GLI3: variants seen among roughly 807,000 people sequenced by gnomAD.
GLI3 encodes the protein GLI family zinc finger 3, also known as transcription activator GLI3.
Under a neutral mutation model 100.8 loss-of-function variants are expected in GLI3, and 20 were observed. That is an observed-to-expected ratio of 0.20 (90% CI 0.14 to 0.29). GLI3 has a LOEUF of 0.29. Among genes scored for constraint, GLI3 ranks in the 10% least tolerant of loss-of-function variants. GLI3 has a pLI of 1.00. For missense variants in GLI3, 2,040 were observed against 2,128.5 expected (o/e 0.96, Z 0.82); for synonymous variants, 938 against 860.5 (o/e 1.09, Z -1.58).
intron 2 of GLI3, among the ~76,000 whole-genome samples, chr7:42,182,936 A>G (rs549097720): frequency 1.3e-5 from 2 of 151,912 alleles, no homozygotes; most frequent in South Asian, 4.2e-4. Context: ...ACACAAAAAA[A>G]TTAGCTGGGC....
At chr7:42,092,839 A>G (rs1785255123) in intron 3 of GLI3, among the ~76,000 whole-genome samples, 1 of 149,618 alleles carries the variant, frequency 6.7e-6, no homozygotes, top group South Asian at 2.1e-4. Context: ...ATAGAGACGG[A>G]GTCTTGCTCT....
At chr7:42,152,482 C>A (rs1786896368) in intron 2 of GLI3, 1 of 889,468 alleles carries the variant, frequency 1.1e-6, no homozygotes, top group Non-Finnish European at 1.3e-6. Context: ...CTCTCCCAGG[C>A]AATGCTGCTC....
At chr7:42,088,233 C>G (rs1287845414) in intron 3 of GLI3, among the ~76,000 whole-genome samples, 1 of 152,174 alleles carries the variant, frequency 6.6e-6, no homozygotes, top group Non-Finnish European at 1.5e-5. Flanking sequence ...GTCCGAAATA[C>G]CTTTCTTCTT....
intron 2 of GLI3, among the ~76,000 whole-genome samples, chr7:42,197,265 A>C (rs1787945604): frequency 6.6e-6 from 1 of 152,248 alleles, no homozygotes; most frequent in Admixed American, 6.5e-5. Flanking sequence ...CTATGCAGCT[A>C]AGAGTAATGA....
chr7:42,166,022 A>T (rs1050472919), intron 2 of GLI3, among the ~76,000 whole-genome samples: 1 of 152,182 alleles, frequency 6.6e-6, no homozygotes, highest in East Asian at 1.9e-4. Flanking sequence ...AATCTTCTAG[A>T]AGCACATGTC....
chr7:42,173,184 G>A (rs1562771354), intron 2 of GLI3, among the ~76,000 whole-genome samples: 3 of 152,170 alleles, frequency 2.0e-5, no homozygotes, highest in African/African-American at 4.8e-5. Context: ...CAACCTCCAC[G>A]AGCACTAGGC....
At chr7:42,202,021 G>A (rs951550759) in intron 2 of GLI3, among the ~76,000 whole-genome samples, 49 of 146,118 alleles carry the variant, frequency 3.4e-4, no homozygotes, top group African/African-American at 1.1e-3. Flanking sequence ...GGCAGAGGTC[G>A]CAGTGAGCCA....
rs544058127 is a variant in GLI3, at chr7:42,164,489, A to T, written c.125-16021T>A. Reference sequence around the variant, plus strand: ...AGCCAAGATCATGCCACTGCACTCTAGCCTGAAAGACAGATAAAGACCTTG... The same window carrying T: ...AGCCAAGATCATGCCACTGCACTCTTGCCTGAAAGACAGATAAAGACCTTG... On this transcript the variant is annotated intron_variant, in intron 2 of 14. Coordinates refer to ENST00000395925, the MANE Select transcript of GLI3 (RefSeq NM_000168.6). Among the ~76,000 whole-genome samples, 126 of 152,194 alleles carry T rather than the reference A, an allele frequency of 8.3e-4. 1 individual carries two copies. Among genetic ancestry groups the T allele is most frequent in the South Asian group, 1.0e-3 (5 of 4,826 alleles).
At chr7:42,039,886 T>C in intron 7 of GLI3, 152 bp downstream of exon 7, 1 of 674,774 alleles carries the variant, frequency 1.5e-6, no homozygotes, top group Non-Finnish European at 2.6e-6. Flanking sequence ...CAATTCATTG[T>C]GATATTTGAC....
chr7:42,220,456 T>C (rs1788464126), intron 2 of GLI3, among the ~76,000 whole-genome samples: 1 of 152,070 alleles, frequency 6.6e-6, no homozygotes, highest in East Asian at 1.9e-4. Flanking sequence ...AACTTGGAAA[T>C]CCTGCACCCC....
chr7:42,046,721 C>T (rs1414822134), intron 5 of GLI3, among the ~76,000 whole-genome samples: 4 of 152,198 alleles, frequency 2.6e-5, no homozygotes, highest in Non-Finnish European at 5.9e-5. Context: ...CAGCTAGCCT[C>T]CCTCTCTCCC....
At chr7:42,064,417 C>T (rs373724376) in intron 4 of GLI3, among the ~76,000 whole-genome samples, 9 of 152,224 alleles carry the variant, frequency 5.9e-5, no homozygotes, top group South Asian at 2.1e-4. Context: ...CTCAAGGATC[C>T]GGTTAACTTG....
At chr7:42,014,562 C>A (rs1210045555) in intron 10 of GLI3, among the ~76,000 whole-genome samples, 8 of 152,206 alleles carry the variant, frequency 5.3e-5, no homozygotes, top group Admixed American at 5.2e-4. Flanking sequence ...CTGCAATGGT[C>A]TTTCTGTGTT....
At chr7:42,239,690 TAA>T (rs1283825072), upstream of GLI3, among the ~76,000 whole-genome samples, 1 of 152,188 alleles carries the variant, frequency 6.6e-6, no homozygotes, top group Non-Finnish European at 1.5e-5. Flanking sequence ...TTTCAGTTCT[TAA>T]AAGACAAGAA....
intron 2 of GLI3, among the ~76,000 whole-genome samples, chr7:42,163,817 G>T (rs1027515578): frequency 3.9e-5 from 6 of 152,126 alleles, no homozygotes; most frequent in African/African-American, 1.2e-4. Context: ...GACTTTGTCT[G>T]GCTTGCACTT....
chr7:42,063,635 A>G (rs907706083), intron 4 of GLI3, among the ~76,000 whole-genome samples: 13 of 152,228 alleles, frequency 8.5e-5, no homozygotes, highest in African/African-American at 2.9e-4. Flanking sequence ...AAAGATGGAA[A>G]AAGGGATGTA....
intron 2 of GLI3, among the ~76,000 whole-genome samples, chr7:42,187,162 G>A (rs1227883189): frequency 1.3e-5 from 2 of 148,296 alleles, no homozygotes; most frequent in Non-Finnish European, 3.0e-5. Flanking sequence ...AGTAAGCCCC[G>A]ATCATGCCAC....
At chr7:42,263,066 G>A (rs1789161952) in intron 1 of GLI3, among the ~76,000 whole-genome samples, 1 of 152,128 alleles carries the variant, frequency 6.6e-6, no homozygotes, top group South Asian at 2.1e-4. Context: ...AGGCATACAT[G>A]CCAGATGGGC....
intron 6 of GLI3, among the ~76,000 whole-genome samples, chr7:42,041,168 T>C (rs576874998): frequency 6.6e-6 from 1 of 152,204 alleles, no homozygotes; most frequent in Non-Finnish European, 1.5e-5. Context: ...CTCTGGACCT[T>C]GTTTCTCTAG....
Sources: gnomAD v4.1 joint callset for allele counts (sites outside exome capture counted in the v4.1 genomes callset) on GRCh38, gnomAD v4.1.1 for gene constraint, MANE v1.5 for transcripts, NCBI Gene and HGNC (gene_info 2026-07-23, HGNC 2026-07-21) for gene names.